ISM1: variants seen among roughly 807,000 people sequenced by gnomAD.
ISM1 encodes isthmin 1, also known as isthmin-1.
In ISM1, 25 loss-of-function variants were observed where a neutral mutation model predicts 46.3. The observed-to-expected ratio is 0.54, with a 90% CI of 0.39 to 0.75. The LOEUF is 0.75. Among genes scored for constraint, ISM1 ranks in the 30% least tolerant of loss-of-function variants. The pLI is 0.00. For synonymous variants in ISM1, 255 were observed against 256.7 expected (o/e 0.99, Z 0.06); for missense variants, 536 against 625.4 (o/e 0.86, Z 1.52).
At chr20:13,246,239 C>G (rs909402138) in intron 1 of ISM1, among the ~76,000 whole-genome samples, 1 of 148,864 alleles carries the variant, frequency 6.7e-6, no homozygotes, top group African/African-American at 2.5e-5. Context: ...TGCCACTGCA[C>G]TTTAGCCTGG....
intron 1 of ISM1, chr20:13,239,315 T>C (rs1351023373): frequency 2.6e-5 from 4 of 152,224 alleles, no homozygotes; most frequent in African/African-American, 9.7e-5. Flanking sequence ...AATGGTTCTT[T>C]CACTTCTTAT....
chr20:13,241,802 G>T (rs188361456), intron 1 of ISM1, among the ~76,000 whole-genome samples: 219 of 152,258 alleles, frequency 1.4e-3, no homozygotes, highest in African/African-American at 5.0e-3. Context: ...AAGCAAGTTT[G>T]TCAAGTTGGA....
rs1300169036 is a variant in ISM1, at chr20:13,288,558, G to C, written c.662G>C (p.Gly221Ala). ...QPEYDSTDGEGDWSLWSVCSV... is the reference protein window; with the variant it reads ...QPEYDSTDGEADWSLWSVCSV... ...CTTCCAGATTCCACAGATGGCGAGG[G>C]TGACTGGAGTCTCTGGTCTGTCTGC... Residue 221 changes from glycine (G) to alanine (A), a missense_variant, in exon 4 of 6, where the codon GGT becomes GCT. Coordinates refer to ENST00000262487, the MANE Select transcript of ISM1 (RefSeq NM_080826.2). 4.3e-6 allele frequency: 7 copies of C among 1,613,764 alleles called. No individual in the cohort carries two copies. In the African/African-American group the frequency reaches 9.3e-5, roughly 22 times the overall value.
chr20:13,235,951 G>A (rs138304692), intron 1 of ISM1, among the ~76,000 whole-genome samples: 32 of 151,452 alleles, frequency 2.1e-4, no homozygotes, highest in Non-Finnish European at 4.3e-4. Flanking sequence ...TTGAAATGGA[G>A]TCTCATTGTG....
At chr20:13,237,680 A>G (rs560340506) in intron 1 of ISM1, 14 of 152,298 alleles carry the variant, frequency 9.2e-5, no homozygotes, top group African/African-American at 3.1e-4. Flanking sequence ...AGAGTTATAT[A>G]TGTGTATATT....
chr20:13,303,381 C>T (rs2040474708), downstream of ISM1, among the ~76,000 whole-genome samples: 1 of 152,188 alleles, frequency 6.6e-6, no homozygotes, highest in Non-Finnish European at 1.5e-5. Flanking sequence ...TATAGCTGAG[C>T]CCTTGCTCAG....
intron 1 of ISM1, among the ~76,000 whole-genome samples, chr20:13,236,168 C>G (rs1039947495): frequency 6.6e-6 from 1 of 152,124 alleles, no homozygotes; most frequent in African/African-American, 2.4e-5. Context: ...TGTGATCCAC[C>G]CACCTCGGCC....
At chr20:13,304,674 T>A (rs115728870), downstream of ISM1, among the ~76,000 whole-genome samples, 3 of 152,122 alleles carry the variant, frequency 2.0e-5, no homozygotes, top group Non-Finnish European at 1.5e-5. Context: ...TGTTTGGTGA[T>A]CTTGGGGGAA....
the ISM1 span, among the ~76,000 whole-genome samples, chr20:13,314,212 A>G: frequency 6.6e-6 from 1 of 152,198 alleles, no homozygotes; most frequent in Non-Finnish European, 1.5e-5. Flanking sequence ...AATATTTGAA[A>G]TAATAATAAC....
chr20:13,226,558 G>A (rs534089166), intron 1 of ISM1, among the ~76,000 whole-genome samples: 22 of 152,254 alleles, frequency 1.4e-4, no homozygotes, highest in African/African-American at 5.1e-4. Context: ...CAGCTGAGTG[G>A]TTCTTCTGGT....
At chr20:13,308,350 C>T in the ISM1 span, among the ~76,000 whole-genome samples, 6 of 152,178 alleles carry the variant, frequency 3.9e-5, no homozygotes, top group South Asian at 1.2e-3. Flanking sequence ...AACTAGTGAG[C>T]CAGAATTTAT....
At chr20:13,246,098 C>T (rs1439877138) in intron 1 of ISM1, among the ~76,000 whole-genome samples, 9 of 151,902 alleles carry the variant, frequency 5.9e-5, no homozygotes, top group African/African-American at 2.2e-4. Context: ...GAAACCCCGT[C>T]TCTACTGAAA....
chr20:13,234,899 A>G (rs1219337630), intron 1 of ISM1, among the ~76,000 whole-genome samples: 1 of 152,140 alleles, frequency 6.6e-6, no homozygotes, highest in Non-Finnish European at 1.5e-5. Flanking sequence ...ATAGTTTGCA[A>G]ATATTTTTTC....
chr20:13,224,162 C>T (rs1440433002), intron 1 of ISM1, among the ~76,000 whole-genome samples: 2 of 152,036 alleles, frequency 1.3e-5, no homozygotes, highest in East Asian at 1.9e-4. Context: ...TAATAGTGTT[C>T]GGTGAGACTG....
chr20:13,221,706 CT>C lies in ISM1; in HGVS notation c.-70del. ...CTGCCGGGCTCCCGGGCTCCTACTCCTCCTCCCCCGGCGTCACCGCCGCCGC... is the reference window on the plus strand; with the variant it reads ...CTGCCGGGCTCCCGGGCTCCTACTCCCCTCCCCCGGCGTCACCGCCGCCGC... On this transcript the variant is annotated 5_prime_UTR_variant, in exon 1 of 6. The change abolishes the stop of an existing upstream ORF in the 5' untranslated region. Coordinates refer to ENST00000262487, the MANE Select transcript of ISM1 (RefSeq NM_080826.2). 7.8e-7 allele frequency: 1 copy of C among 1,280,854 alleles called. No homozygotes were observed. The highest frequency in any genetic ancestry group is 9.9e-7 in the Non-Finnish European group (1 of 1,010,146). The allele number at this position is 1,280,854 out of a possible 1,614,324, so 79.3% of individuals were successfully genotyped here. A position where few individuals can be genotyped will look rare whatever the true frequency, so the allele number is the denominator to read the frequency against.
chr20:13,278,804 C>G (rs576128744), intron 2 of ISM1, among the ~76,000 whole-genome samples: 1 of 152,184 alleles, frequency 6.6e-6, no homozygotes, highest in African/African-American at 2.4e-5. Context: ...GGAAGATCCA[C>G]GATGGCCCTA....
At chr20:13,298,745 G>T (rs1350674855) in intron 5 of ISM1, among the ~76,000 whole-genome samples, 197 bp from the exon 6 acceptor site, 1 of 152,136 alleles carries the variant, frequency 6.6e-6, no homozygotes, top group Non-Finnish European at 1.5e-5. Flanking sequence ...CGTGAGAACG[G>T]CCATCCACTT....
chr20:13,295,575 A>G (rs1363879249), intron 5 of ISM1, among the ~76,000 whole-genome samples: 1 of 152,202 alleles, frequency 6.6e-6, no homozygotes, highest in Non-Finnish European at 1.5e-5. Context: ...AGACACCTCC[A>G]AGACCCAGAC....
chr20:13,306,031 G>A, the ISM1 span, among the ~76,000 whole-genome samples: 4 of 152,102 alleles, frequency 2.6e-5, no homozygotes, highest in Admixed American at 6.5e-5. Context: ...TATCTGTTCT[G>A]GGAGTAATAA....
Sources: allele counts gnomAD v4.1 joint callset (sites outside exome capture counted in the v4.1 genomes callset), GRCh38; gene constraint gnomAD v4.1.1; transcripts MANE v1.5; gene names NCBI Gene and HGNC (gene_info 2026-07-23, HGNC 2026-07-21).